PDZD2: variants seen among roughly 807,000 people sequenced by gnomAD.
PDZD2 encodes PDZ domain containing 2, also known as PDZ domain-containing protein 2.
In PDZD2, 90 loss-of-function variants were observed where a neutral mutation model predicts 220.7. That is an observed-to-expected ratio of 0.41 (90% CI 0.34 to 0.49). The LOEUF is 0.49. PDZD2 is among the 20% of genes least tolerant of loss of function. The probability of loss-of-function intolerance (pLI) is 0.28; values close to 1 mark genes in which losing one functional copy is unlikely to be tolerated. For synonymous variants in PDZD2, 1,375 were observed against 1,450.5 expected (o/e 0.95, Z 1.18); for missense variants, 3,174 against 3,608.5 (o/e 0.88, Z 3.08).
chr5:31,680,482 G>A (rs1746606927), intron 1 of PDZD2, among the ~76,000 whole-genome samples: 1 of 152,092 alleles, frequency 6.6e-6, no homozygotes, highest in South Asian at 2.1e-4. Context: ...AGCCTCCTAA[G>A]ATTTGAGGAG....
At chr5:31,847,883 G>T in intron 2 of PDZD2, 1 of 494,538 alleles carries the variant, frequency 2.0e-6, no homozygotes, top group South Asian at 1.6e-5. Context: ...GAATGTTGCA[G>T]ATTACATGCG....
intron 6 of PDZD2, among the ~76,000 whole-genome samples, chr5:32,018,766 C>G (rs4867101): frequency 0.13 from 20,106 of 152,286 alleles, 1,600 homozygotes; most frequent in Admixed American, 0.2. Context: ...TTAAGCAACA[C>G]TTCAGCTGGC....
At chr5:31,866,862 T>G (rs563037703) in intron 2 of PDZD2, among the ~76,000 whole-genome samples, 1 of 152,352 alleles carries the variant, frequency 6.6e-6, no homozygotes, top group African/African-American at 2.4e-5. Context: ...AGCAATTAGC[T>G]GTCATGTTTT....
intron 2 of PDZD2, among the ~76,000 whole-genome samples, chr5:31,969,535 A>AAAAAAAAAAAAAAAG (rs1561220904): frequency 7.2e-6 from 1 of 139,038 alleles, no homozygotes; most frequent in African/African-American, 2.6e-5. Context: ...AAAAAAAAAA[A>AAAAAAAAAAAAAAAG]CAATGGATAT....
At chr5:32,032,108 A>G (rs1029749381) in intron 6 of PDZD2, among the ~76,000 whole-genome samples, 1 of 152,242 alleles carries the variant, frequency 6.6e-6, no homozygotes, top group East Asian at 1.9e-4. Context: ...ACAGCTGAGA[A>G]GCTTTCATTT....
At chr5:31,928,686 A>G (rs560286528) in intron 2 of PDZD2, among the ~76,000 whole-genome samples, 111 of 152,182 alleles carry the variant, frequency 7.3e-4, no homozygotes, top group Non-Finnish European at 1.2e-3. Flanking sequence ...ATGTTGGCCA[A>G]GCTGGTCTTG....
chr5:31,877,531 C>G (rs1026370959), intron 2 of PDZD2, among the ~76,000 whole-genome samples: 3 of 151,918 alleles, frequency 2.0e-5, no homozygotes. Flanking sequence ...GAAAGTCAGT[C>G]TTTTCTCTTT....
At chr5:31,943,014 C>A (rs1169236126) in intron 2 of PDZD2, among the ~76,000 whole-genome samples, 1 of 152,136 alleles carries the variant, frequency 6.6e-6, no homozygotes, top group African/African-American at 2.4e-5. Flanking sequence ...ACCAGCCTGG[C>A]CAACATGGTG....
At chr5:31,781,369 G>C (rs532458469) in intron 1 of PDZD2, among the ~76,000 whole-genome samples, 2 of 152,288 alleles carry the variant, frequency 1.3e-5, no homozygotes, top group African/African-American at 4.8e-5. Context: ...AGCTGAGATT[G>C]TGCCACTGCA....
intron 1 of PDZD2, among the ~76,000 whole-genome samples, chr5:31,782,830 C>T (rs149469693): frequency 0.016 from 2,356 of 150,590 alleles, 141 homozygotes; most frequent in Admixed American, 0.11. Flanking sequence ...TCTCCTGCCT[C>T]AGCCTCCCGA....
intron 1 of PDZD2, among the ~76,000 whole-genome samples, chr5:31,669,852 C>T (rs1360782489): frequency 1.3e-5 from 2 of 152,006 alleles, no homozygotes; most frequent in South Asian, 4.2e-4. Flanking sequence ...TTAAATGGGC[C>T]GTAAAATAAT....
intron 2 of PDZD2, among the ~76,000 whole-genome samples, chr5:31,948,211 A>C (rs1262543060): frequency 6.6e-6 from 1 of 152,106 alleles, no homozygotes; most frequent in Non-Finnish European, 1.5e-5. Context: ...GTGGCTTTCC[A>C]GCTATGCTCC....
intron 2 of PDZD2, among the ~76,000 whole-genome samples, chr5:31,804,643 T>C (rs1336477926): frequency 1.3e-5 from 2 of 151,998 alleles, no homozygotes; most frequent in Non-Finnish European, 2.9e-5. Context: ...ACCACTGCAT[T>C]GTACGACCTC....
At chr5:32,002,544 C>T (rs1752217639) in intron 5 of PDZD2, among the ~76,000 whole-genome samples, 1 of 151,708 alleles carries the variant, frequency 6.6e-6, no homozygotes, top group Non-Finnish European at 1.5e-5. Flanking sequence ...GAAGTGGGAG[C>T]CTGAAAGCAT....
At chr5:31,654,238 GAC>G (rs1745459856) in intron 1 of PDZD2, among the ~76,000 whole-genome samples, 1 of 152,108 alleles carries the variant, frequency 6.6e-6, no homozygotes, top group South Asian at 2.1e-4. Flanking sequence ...CAAAGCATTT[GAC>G]ACACACACAG....
intron 2 of PDZD2, among the ~76,000 whole-genome samples, chr5:31,833,635 C>CAAAA (rs75394129): frequency 4.0e-4 from 50 of 126,290 alleles, no homozygotes; most frequent in South Asian, 7.9e-4. Context: ...GACCCTGTCT[C>CAAAA]AAAAAAAAAA....
chr5:31,892,713 G>A (rs1193185298), intron 2 of PDZD2, among the ~76,000 whole-genome samples: 1 of 130,830 alleles, frequency 7.6e-6, no homozygotes, highest in African/African-American at 2.8e-5. Context: ...GTCAACAGGT[G>A]TGCACCACCA....
intron 2 of PDZD2, among the ~76,000 whole-genome samples, chr5:31,887,946 G>A (rs1175290756): frequency 6.6e-6 from 1 of 152,106 alleles, no homozygotes; most frequent in Non-Finnish European, 1.5e-5. Flanking sequence ...GAGGGAGTGG[G>A]AGTTGTTCAG....
At chr5:31,778,882 G>T (rs1211395886) in intron 1 of PDZD2, among the ~76,000 whole-genome samples, 1 of 152,144 alleles carries the variant, frequency 6.6e-6, no homozygotes, top group Non-Finnish European at 1.5e-5. Flanking sequence ...CTCCTTTCCT[G>T]AGATGAAAAC....
Sources: allele counts gnomAD v4.1 joint callset (sites outside exome capture counted in the v4.1 genomes callset), GRCh38; gene constraint gnomAD v4.1.1; transcripts MANE v1.5; gene names NCBI Gene and HGNC (gene_info 2026-07-23, HGNC 2026-07-21).